Variants in PTPRG observed in about 807,000 individuals in gnomAD.
The protein encoded by PTPRG is protein tyrosine phosphatase receptor type G.
A neutral mutation model predicts 165.3 loss-of-function variants in PTPRG; 102 were observed. The ratio of observed to expected loss-of-function variants is 0.62; its 90% CI spans 0.53 to 0.73. The LOEUF (loss-of-function observed/expected upper bound fraction) is 0.73, where lower values mean the gene tolerates loss of function less well. Ranked by LOEUF, PTPRG falls within the 30% of genes least tolerant of loss-of-function variation. The pLI is 0.00. For missense variants in PTPRG, 1,866 were observed against 1,861.4 expected (o/e 1.00, Z -0.05); for synonymous variants, 675 against 669.5 (o/e 1.01, Z -0.13).
At chr3:61,660,968 A>T (rs1174239255) in intron 1 of PTPRG, among the ~76,000 whole-genome samples, 2 of 152,060 alleles carry the variant, frequency 1.3e-5, no homozygotes, top group Non-Finnish European at 2.9e-5. Context: ...TGCCACTTGC[A>T]CTCCAGCCTG....
In PTPRG at chr3:61,609,004, C is replaced by A. The variant is rs183314830; in HGVS notation, c.85+46632C>A. 5.9e-5 allele frequency among the ~76,000 whole-genome samples: 9 copies of A among 152,252 alleles called. No individual in the cohort carries two copies. In the East Asian group the frequency reaches 1.7e-3, roughly 29 times the overall value. On this transcript the variant is annotated intron_variant, in intron 1 of 29. Coordinates refer to ENST00000474889, the MANE Select transcript of PTPRG (RefSeq NM_002841.4). ...TGGCAGGAGTACCAGTGTTTGCCCT[C>A]GATGTGTGAGGTTGGGTCAGCCTGA...
At chr3:62,243,348 T>G (rs1346063281) in intron 14 of PTPRG, among the ~76,000 whole-genome samples, 2 of 152,164 alleles carry the variant, frequency 1.3e-5, no homozygotes, top group Non-Finnish European at 2.9e-5. Flanking sequence ...GGCCTTTGCA[T>G]GAACAATGTG....
At chr3:61,733,192 G>C (rs1030986327) in intron 1 of PTPRG, among the ~76,000 whole-genome samples, 3 of 152,174 alleles carry the variant, frequency 2.0e-5, no homozygotes, top group Non-Finnish European at 4.4e-5. Flanking sequence ...CTTTGTATCA[G>C]TTCAAACATG....
At chr3:62,136,988 C>T (rs1703732891) in intron 6 of PTPRG, among the ~76,000 whole-genome samples, 1 of 152,124 alleles carries the variant, frequency 6.6e-6, no homozygotes, top group Non-Finnish European at 1.5e-5. Context: ...CTTACATGTT[C>T]ATTTGTCTAG....
intron 4 of PTPRG, among the ~76,000 whole-genome samples, chr3:62,067,038 CAAA>C (rs58056271): frequency 0.21 from 23,033 of 111,578 alleles, 2,370 homozygotes; most frequent in East Asian, 0.4. Flanking sequence ...GATTCTGACT[CAAA>C]AAAAAAAAAA....
At chr3:61,932,324 CA>C (rs1375847460) in intron 2 of PTPRG, among the ~76,000 whole-genome samples, 2 of 152,292 alleles carry the variant, frequency 1.3e-5, no homozygotes, top group Non-Finnish European at 1.5e-5. Context: ...CACAACAGAC[CA>C]TAAAATTCCA....
chr3:61,977,169 A>G (rs747917826), intron 2 of PTPRG, among the ~76,000 whole-genome samples: 2 of 152,026 alleles, frequency 1.3e-5, no homozygotes, highest in African/African-American at 2.4e-5. Flanking sequence ...AAATGTAAAA[A>G]GAGTACAATA....
intron 2 of PTPRG, among the ~76,000 whole-genome samples, chr3:61,937,128 T>A (rs1291535776): frequency 2.6e-5 from 4 of 152,258 alleles, no homozygotes; most frequent in African/African-American, 9.6e-5. Context: ...TCAAAGGAAA[T>A]CACTGGGGAT....
chr3:62,247,372 T>C (rs1322717158), intron 15 of PTPRG, among the ~76,000 whole-genome samples: 2 of 152,174 alleles, frequency 1.3e-5, no homozygotes, highest in Non-Finnish European at 2.9e-5. Context: ...TGGATATTGA[T>C]TCATTAAATC....
intron 1 of PTPRG, among the ~76,000 whole-genome samples, chr3:61,660,002 G>A (rs558202478): frequency 6.6e-6 from 1 of 152,174 alleles, no homozygotes; most frequent in South Asian, 2.1e-4. Context: ...CAGGGCAGGC[G>A]GATCACGAGG....
At chr3:61,821,444 C>CA (rs2035955181) in intron 2 of PTPRG, among the ~76,000 whole-genome samples, 1 of 152,234 alleles carries the variant, frequency 6.6e-6, no homozygotes, top group South Asian at 2.1e-4. Context: ...GTTGGGATTA[C>CA]AGGCGTGAGC....
chr3:62,266,800 A>T (rs1283283638), intron 17 of PTPRG, among the ~76,000 whole-genome samples: 2 of 148,656 alleles, frequency 1.3e-5, no homozygotes, highest in Non-Finnish European at 3.0e-5. Context: ...CCTAAAAAAA[A>T]CAGGCACAAT....
rs1262657663 is a variant in PTPRG, at chr3:61,887,119, CATGCATATATATATATATATATAT to C, written c.191-102503_191-102480del. Among the ~76,000 whole-genome samples, 233 of 103,414 alleles carry C rather than the reference CATGCATATATATATATATATATAT, an allele frequency of 2.3e-3. 20 individuals are homozygous for C. The highest frequency in any genetic ancestry group is 0.011 in the East Asian group (27 of 2,556). The allele number at this position is 103,414 out of a possible 152,430, so 67.8% of individuals were successfully genotyped here. A position where few individuals can be genotyped will look rare whatever the true frequency, so the allele number is the denominator to read the frequency against. Reference sequence around the variant, plus strand: ...AACTATTTTTAAAGTATAACCATAGCATGCATATATATATATATATATATATATATATATATATATATATATATA... The same window carrying C: ...AACTATTTTTAAAGTATAACCATAGCATATATATATATATATATATATATA... On this transcript the variant is annotated intron_variant, in intron 2 of 29. Transcript: ENST00000474889.
rs146235022 is a variant in PTPRG at position 61,830,303 on chromosome 3, T to A, written c.190+81321T>A. On this transcript the variant is annotated intron_variant, in intron 2 of 29. Transcript: ENST00000474889. Reference sequence around the variant, plus strand: ...CTTTGGAATTATACGGTGTGAACTGTCTTACTCTGTTGTCGTGGAAGAATA... The same window carrying A: ...CTTTGGAATTATACGGTGTGAACTGACTTACTCTGTTGTCGTGGAAGAATA... 5.2e-4 allele frequency among the ~76,000 whole-genome samples: 79 copies of A among 152,328 alleles called. No individual in the cohort carries two copies. The East Asian group carries it at 7.9e-3, about 15-fold the overall frequency.
rs541666006 is a variant in PTPRG at position 62,287,520 on chromosome 3, T to TAAAAGATAGGATACTAG, written c.4055+4652_4055+4668dup. Among the ~76,000 whole-genome samples, 318 of 152,202 alleles carry TAAAAGATAGGATACTAG rather than the reference T, an allele frequency of 2.1e-3. 1 individual carries two copies. Among genetic ancestry groups the TAAAAGATAGGATACTAG allele is most frequent in the African/African-American group, 7.4e-3 (308 of 41,540 alleles). ...ACATTAATTCATGAAACTAAAAACT[T>TAAAAGATAGGATACTAG]AAAAGATAGGATACTAGTGGAGTGT... On this transcript the variant is annotated intron_variant, in intron 28 of 29. Transcript: ENST00000474889.
chr3:61,838,783 C>G (rs1204767816), intron 2 of PTPRG, among the ~76,000 whole-genome samples: 2 of 152,178 alleles, frequency 1.3e-5, no homozygotes, highest in Non-Finnish European at 1.5e-5. Context: ...TTTGCTTTCT[C>G]TTGCTAAAAC....
At chr3:61,771,005 C>T (rs2034191008) in intron 2 of PTPRG, 1 of 152,088 alleles carries the variant, frequency 6.6e-6, no homozygotes, top group African/African-American at 2.4e-5. Flanking sequence ...TCTTGTTTCC[C>T]TCCCAAGACA....
intron 6 of PTPRG, among the ~76,000 whole-genome samples, chr3:62,146,661 A>T: frequency 6.6e-6 from 1 of 151,640 alleles, no homozygotes; most frequent in Admixed American, 6.6e-5. Context: ...CCGCCCTCAT[A>T]TAGGAGTGCA....
At chr3:61,818,119 C>T (rs920979129) in intron 2 of PTPRG, among the ~76,000 whole-genome samples, 5 of 151,972 alleles carry the variant, frequency 3.3e-5, no homozygotes, top group South Asian at 4.1e-4. Context: ...CCATGATTAG[C>T]GTTTGGGAAT....
Sources: allele counts gnomAD v4.1 joint callset (sites outside exome capture counted in the v4.1 genomes callset), GRCh38; gene constraint gnomAD v4.1.1; transcripts MANE v1.5; gene names NCBI Gene and HGNC (gene_info 2026-07-23, HGNC 2026-07-21).